The following TMEM135 variants were observed in gnomAD, a reference collection of about 807,000 sequenced individuals.
TMEM135 encodes the protein transmembrane protein 135.
In TMEM135, 30 loss-of-function variants were observed where a neutral mutation model predicts 60.3. That is an observed-to-expected ratio of 0.50 (90% CI 0.37 to 0.68). TMEM135 has a LOEUF of 0.68. Ranked by LOEUF, TMEM135 falls within the 30% of genes least tolerant of loss-of-function variation. The probability of loss-of-function intolerance (pLI) is 0.00; values close to 1 mark genes in which losing one functional copy is unlikely to be tolerated. For missense variants in TMEM135, 468 were observed against 548.8 expected (o/e 0.85, Z 1.47); for synonymous variants, 190 against 186.7 (o/e 1.02, Z -0.14).
intron 4 of TMEM135, among the ~76,000 whole-genome samples, chr11:87,137,409 G>A (rs977361350): frequency 6.6e-6 from 1 of 152,052 alleles, no homozygotes; most frequent in Non-Finnish European, 1.5e-5. Context: ...GAAGGAAGAC[G>A]AATGTTGTAT....
At chr11:87,161,036 A>G (rs1269507239) in intron 5 of TMEM135, among the ~76,000 whole-genome samples, 1 of 152,048 alleles carries the variant, frequency 6.6e-6, no homozygotes, top group Non-Finnish European at 1.5e-5. Flanking sequence ...AGTAGTTGGG[A>G]CCACATGCAT....
At chr11:87,237,695 T>C (rs1466189217) in intron 6 of TMEM135, among the ~76,000 whole-genome samples, 1 of 151,982 alleles carries the variant, frequency 6.6e-6, no homozygotes, top group African/African-American at 2.4e-5. Context: ...ATTTACACTC[T>C]TAGTTATTTA....
Position 87,192,974 on chromosome 11 carries a change from G to T in TMEM135, c.462+35568G>T, listed in dbSNP as rs146504680. Among the ~76,000 whole-genome samples, 209 of 152,092 alleles carry T rather than the reference G, an allele frequency of 1.4e-3. 1 individual carries two copies. In the East Asian group the frequency reaches 0.033, roughly 24 times the overall value. ...TACTAAAAATATAAAAAATACCCAG[G>T]CCTGGTGGCACCCACCTGTAGTCCA... On this transcript the variant is annotated intron_variant, in intron 5 of 14. Coordinates refer to ENST00000305494, the MANE Select transcript of TMEM135 (RefSeq NM_022918.4).
rs1949901366 is a variant in TMEM135, at chr11:87,057,118, A to G, written c.142-10576A>G. Among the ~76,000 whole-genome samples the G allele has an allele frequency of 2.6e-5, 4 of 152,202 alleles. No individual in the cohort carries two copies. The South Asian group carries it at 8.3e-4, about 31-fold the overall frequency. On this transcript the variant is annotated intron_variant, in intron 1 of 14. Coordinates refer to ENST00000305494, the MANE Select transcript of TMEM135 (RefSeq NM_022918.4). ...ACTCAGTTTTGAACATGGGTATAAT[A>G]TACGCAGGACTCAGTCTGAGTCTTG...
At chr11:87,080,681 GA>G (rs1159750217) in intron 3 of TMEM135, among the ~76,000 whole-genome samples, 1 of 151,668 alleles carries the variant, frequency 6.6e-6, no homozygotes, top group Non-Finnish European at 1.5e-5. Context: ...ATTTTTATTT[GA>G]TTTTTTTATT....
intron 5 of TMEM135, among the ~76,000 whole-genome samples, chr11:87,188,876 A>G (rs925127330): frequency 1.3e-5 from 2 of 152,068 alleles, no homozygotes; most frequent in African/African-American, 4.8e-5. Context: ...ACTGTTTTGT[A>G]TTCATCTTCA....
chr11:87,094,296 T>C (rs972116165), intron 4 of TMEM135, among the ~76,000 whole-genome samples: 3 of 152,208 alleles, frequency 2.0e-5, no homozygotes, highest in African/African-American at 7.2e-5. Context: ...TATATAATAC[T>C]TTTCTGAAGC....
intron 5 of TMEM135, among the ~76,000 whole-genome samples, chr11:87,222,580 G>T (rs1454431950): frequency 1.3e-5 from 2 of 151,486 alleles, no homozygotes; most frequent in Non-Finnish European, 2.9e-5. Context: ...GAGGCGGGCG[G>T]ATCACCTGAG....
At position 87,038,034 on chromosome 11, in the gene TMEM135, C is replaced by G. The variant is rs1383400469; in HGVS notation, c.-12C>G. On this transcript the variant is annotated 5_prime_UTR_variant, in exon 1 of 15. Coordinates refer to ENST00000305494, the MANE Select transcript of TMEM135 (RefSeq NM_022918.4). ...CTCTCCCCCTCCTGTCTTCTCCGCG[C>G]TGTTCCTCGTCATGGCGGCCCTCAG... 1.2e-6 allele frequency: 2 copies of G among 1,613,948 alleles called. No homozygotes were observed. Among genetic ancestry groups the G allele is most frequent in the African/African-American group, 1.3e-5 (1 of 75,072 alleles).
chr11:87,166,107 C>T (rs1939036471), intron 5 of TMEM135, among the ~76,000 whole-genome samples: 2 of 151,588 alleles, frequency 1.3e-5, no homozygotes, highest in African/African-American at 2.4e-5. Flanking sequence ...AATAGCTTAC[C>T]AACCAAATGT....
intron 4 of TMEM135, among the ~76,000 whole-genome samples, chr11:87,149,182 G>A (rs937882519): frequency 3.3e-5 from 5 of 151,978 alleles, no homozygotes; most frequent in Non-Finnish European, 5.9e-5. Flanking sequence ...CTATAGCCTT[G>A]CTTAACTTTG....
chr11:87,275,503 A>G (rs140214400), intron 6 of TMEM135, among the ~76,000 whole-genome samples: 2 of 152,190 alleles, frequency 1.3e-5, no homozygotes, highest in Admixed American at 6.5e-5. Context: ...AACCAAATAT[A>G]TCACCCTGTG....
intron 1 of TMEM135, among the ~76,000 whole-genome samples, chr11:87,040,618 T>C (rs190912503): frequency 1.2e-3 from 179 of 148,780 alleles, no homozygotes; most frequent in Middle Eastern, 3.4e-3. Flanking sequence ...GCTGAGATCA[T>C]GCCATTGCAC....
chr11:87,227,285 T>G (rs1443138195), intron 5 of TMEM135, among the ~76,000 whole-genome samples: 1 of 152,008 alleles, frequency 6.6e-6, no homozygotes, highest in South Asian at 2.1e-4. Context: ...AATTGACTTA[T>G]GGAATGATAG....
chr11:87,312,927 A>T, intron 10 of TMEM135, among the ~76,000 whole-genome samples: 1 of 151,780 alleles, frequency 6.6e-6, no homozygotes, highest in African/African-American at 2.4e-5. Flanking sequence ...ATAGTTCTAA[A>T]TTTTTGTCTG....
chr11:87,105,328 A>T (rs576339677), intron 4 of TMEM135, among the ~76,000 whole-genome samples: 3 of 152,240 alleles, frequency 2.0e-5, no homozygotes, highest in Admixed American at 6.5e-5. Flanking sequence ...GCGGCATTAG[A>T]TTCTCATAGG....
At chr11:87,307,301 G>T (rs1942565870) in intron 9 of TMEM135, among the ~76,000 whole-genome samples, 1 of 146,734 alleles carries the variant, frequency 6.8e-6, no homozygotes, top group African/African-American at 2.5e-5. Context: ...GTAGGGTTTT[G>T]TTTTGTTTTG....
chr11:87,198,788 A>G (rs529037800), intron 5 of TMEM135, among the ~76,000 whole-genome samples: 1 of 152,104 alleles, frequency 6.6e-6, no homozygotes, highest in South Asian at 2.1e-4. Flanking sequence ...AGAGACAAGT[A>G]TAAATAATAG....
At chr11:87,123,562 C>T (rs902207489) in intron 4 of TMEM135, among the ~76,000 whole-genome samples, 2 of 137,432 alleles carry the variant, frequency 1.5e-5, no homozygotes, top group African/African-American at 5.3e-5. Context: ...TTCACAAGAA[C>T]CAACATACAA....
Sources: allele counts gnomAD v4.1 joint callset (sites outside exome capture counted in the v4.1 genomes callset), GRCh38; gene constraint gnomAD v4.1.1; transcripts MANE v1.5; gene names NCBI Gene and HGNC (gene_info 2026-07-23, HGNC 2026-07-21).